Variants in CPNE4 observed in about 807,000 individuals in gnomAD.
CPNE4 encodes copine 4.
CPNE4 carries 25 observed loss-of-function variants against 67.9 expected under a neutral mutation model. That is an observed-to-expected ratio of 0.37 (90% CI 0.27 to 0.51). CPNE4 has a LOEUF of 0.51. CPNE4 is among the 20% of genes least tolerant of loss of function. CPNE4 has a pLI of 0.93. For missense variants in CPNE4, 464 were observed against 690.8 expected (o/e 0.67, Z 3.68); for synonymous variants, 242 against 244.9 (o/e 0.99, Z 0.11).
chr3:131,964,855 A>C (rs2072296940), intron 1 of CPNE4, among the ~76,000 whole-genome samples: 1 of 152,160 alleles, frequency 6.6e-6, no homozygotes, highest in Non-Finnish European at 1.5e-5. Context: ...CAACATTCAA[A>C]TTCAGGAAAT....
At chr3:131,792,648 T>TATATATACACACGTGTATATATAC (rs1160050063) in intron 2 of CPNE4, among the ~76,000 whole-genome samples, 9 of 37,814 alleles carry the variant, frequency 2.4e-4, no homozygotes, top group Non-Finnish European at 3.0e-4. Context: ...TGTATATATG[T>TATATATACACACGTGTATATATAC]ATATATACAC....
intron 14 of CPNE4, among the ~76,000 whole-genome samples, chr3:131,544,179 T>TAACA (rs1559871318): frequency 2.6e-5 from 4 of 152,212 alleles, no homozygotes; most frequent in Admixed American, 2.6e-4. Flanking sequence ...GCAAGATGCC[T>TAACA]AACATTTATA....
intron 1 of CPNE4, among the ~76,000 whole-genome samples, chr3:131,932,066 A>AT (rs2071078674): frequency 6.6e-6 from 1 of 152,178 alleles, no homozygotes; most frequent in Non-Finnish European, 1.5e-5. Flanking sequence ...GGACAGGAAA[A>AT]TTCATGGGCT....
chr3:131,617,413 A>C (rs562656627), intron 7 of CPNE4, among the ~76,000 whole-genome samples: 5 of 152,288 alleles, frequency 3.3e-5, no homozygotes, highest in African/African-American at 1.2e-4. Context: ...GATCCCCCCA[A>C]CAACCCAGGC....
chr3:132,018,058 ACT>A (rs1401496395), intron 1 of CPNE4, among the ~76,000 whole-genome samples: 3 of 151,738 alleles, frequency 2.0e-5, no homozygotes, highest in African/African-American at 4.8e-5. Context: ...CAAATGTACA[ACT>A]CTTTGTGGCA....
chr3:131,871,120 T>A (rs1442050546), intron 2 of CPNE4, among the ~76,000 whole-genome samples: 1 of 152,012 alleles, frequency 6.6e-6, no homozygotes, highest in African/African-American at 2.4e-5. Context: ...TGCAGAGGTA[T>A]AAAGTAATCC....
At chr3:131,634,102 T>C (rs1023704186) in intron 7 of CPNE4, among the ~76,000 whole-genome samples, 32 of 152,140 alleles carry the variant, frequency 2.1e-4, no homozygotes, top group African/African-American at 6.3e-4. Flanking sequence ...TGATCTCAAT[T>C]AATTTTGGAG....
At chr3:131,570,331 A>AT (rs527948174) in intron 10 of CPNE4, among the ~76,000 whole-genome samples, 13,547 of 149,554 alleles carry the variant, frequency 0.091, 1,243 homozygotes, top group African/African-American at 0.24. Context: ...TTATTTATTT[A>AT]TTTTTTTAAA....
At chr3:131,985,573 G>A (rs2073022223) in intron 1 of CPNE4, among the ~76,000 whole-genome samples, 1 of 152,052 alleles carries the variant, frequency 6.6e-6, no homozygotes, top group Admixed American at 6.5e-5. Context: ...TTCAAAAACA[G>A]GTTTATCTGA....
intron 1 of CPNE4, among the ~76,000 whole-genome samples, chr3:131,920,576 T>TAA (rs1016894558): frequency 8.6e-5 from 13 of 151,962 alleles, no homozygotes; most frequent in Non-Finnish European, 1.5e-4. Flanking sequence ...GGGGGTATTT[T>TAA]AAAGTCAGTG....
intron 3 of CPNE4, among the ~76,000 whole-genome samples, chr3:131,720,106 T>A (rs924717119): frequency 6.6e-6 from 1 of 152,056 alleles, no homozygotes; most frequent in Non-Finnish European, 1.5e-5. Context: ...TGCTGTCAGC[T>A]CCCCACTCAT....
At chr3:131,569,665 A>C (rs1364320887) in intron 10 of CPNE4, among the ~76,000 whole-genome samples, 9 of 147,750 alleles carry the variant, frequency 6.1e-5, no homozygotes, top group Non-Finnish European at 9.0e-5. Context: ...AAAAAAAACA[A>C]AAAAAAAAAG....
At chr3:131,611,754 C>G (rs1939855708) in intron 7 of CPNE4, among the ~76,000 whole-genome samples, 1 of 151,878 alleles carries the variant, frequency 6.6e-6, no homozygotes, top group Non-Finnish European at 1.5e-5. Context: ...GTATTTAAAA[C>G]TAGCAATTTG....
At chr3:131,788,987 A>G (rs996734574) in intron 2 of CPNE4, among the ~76,000 whole-genome samples, 1 of 150,210 alleles carries the variant, frequency 6.7e-6, no homozygotes, top group African/African-American at 2.5e-5. Flanking sequence ...TATTAATGAT[A>G]TTCAGAGAAC....
chr3:131,559,742 GA>G (rs1050365605), intron 11 of CPNE4, among the ~76,000 whole-genome samples: 8 of 151,950 alleles, frequency 5.3e-5, no homozygotes, highest in African/African-American at 1.4e-4. Context: ...CGATGAAAAG[GA>G]AGAAACAATT....
At chr3:131,631,194 C>T (rs1489709731) in intron 7 of CPNE4, among the ~76,000 whole-genome samples, 1 of 152,172 alleles carries the variant, frequency 6.6e-6, no homozygotes, top group Non-Finnish European at 1.5e-5. Context: ...ACCATAAAAT[C>T]ATTAGAGTTA....
At chr3:132,012,260 C>T (rs2073785510) in intron 1 of CPNE4, among the ~76,000 whole-genome samples, 1 of 151,450 alleles carries the variant, frequency 6.6e-6, no homozygotes. Context: ...TCTCTGCCTC[C>T]CAGGTTTAGG....
chr3:131,895,903 C>A (rs1461144), intron 2 of CPNE4, among the ~76,000 whole-genome samples: 98,222 of 151,778 alleles, frequency 0.65, 32,044 homozygotes, highest in Admixed American at 0.73. Context: ...TTCAATCCTC[C>A]TTCCAGGAAT....
chr3:131,566,362 T>TA (rs370190534), intron 10 of CPNE4, among the ~76,000 whole-genome samples: 70 of 151,292 alleles, frequency 4.6e-4, no homozygotes, highest in African/African-American at 1.7e-3. Flanking sequence ...GGAGGTAACC[T>TA]AGGGAGACCA....
Sources: allele counts gnomAD v4.1 joint callset (sites outside exome capture counted in the v4.1 genomes callset), GRCh38; gene constraint gnomAD v4.1.1; transcripts MANE v1.5; gene names NCBI Gene and HGNC (gene_info 2026-07-23, HGNC 2026-07-21).